Variants in PLXNA4 observed in about 807,000 individuals in gnomAD.
The protein encoded by PLXNA4 is plexin-A4.
In PLXNA4, 44 loss-of-function variants were observed where a neutral mutation model predicts 191.8. That is an observed-to-expected ratio of 0.23 (90% CI 0.18 to 0.29). PLXNA4 has a LOEUF of 0.29. Ranked by LOEUF, PLXNA4 falls within the 10% of genes least tolerant of loss-of-function variation. PLXNA4 has a pLI of 1.00. For synonymous variants in PLXNA4, 1,082 were observed against 1,009.5 expected, an observed-to-expected ratio of 1.07 and a Z score of -1.36; for missense variants, 1,800 against 2,488.8, an observed-to-expected ratio of 0.72 and a Z score of 5.89.
chr7:132,438,581 C>T (rs1440528290), intron 3 of PLXNA4, among the ~76,000 whole-genome samples: 1 of 152,164 alleles, frequency 6.6e-6, no homozygotes, highest in African/African-American at 2.4e-5. Flanking sequence ...ATTAGTCTAA[C>T]ATATATTTAA....
chr7:132,300,816 G>A (rs188764955), intron 3 of PLXNA4, among the ~76,000 whole-genome samples: 1 of 152,362 alleles, frequency 6.6e-6, no homozygotes, highest in Admixed American at 6.5e-5. Flanking sequence ...GCCACCGTCG[G>A]CCAGAGCAGG....
intron 3 of PLXNA4, among the ~76,000 whole-genome samples, chr7:132,334,652 A>G (rs1452655565): frequency 6.6e-6 from 1 of 152,174 alleles, no homozygotes; most frequent in African/African-American, 2.4e-5. Flanking sequence ...TGCAAATGAT[A>G]TCTGGGCCAG....
At chr7:132,558,756 C>G (rs1439519954) in intron 1 of PLXNA4, among the ~76,000 whole-genome samples, 1 of 152,232 alleles carries the variant, frequency 6.6e-6, no homozygotes, top group Non-Finnish European at 1.5e-5. Flanking sequence ...TTCGCCTTTG[C>G]CTGCTTTCTT....
Position 132,562,727 on chromosome 7 carries a change from GTCCTCCTCCTTC to G in PLXNA4, c.-87+13683_-87+13694del, listed in dbSNP as rs1473353976. On this transcript the variant is annotated intron_variant, in intron 1 of 31. Transcript: ENST00000321063. ...CCTTCACCTCCTCCTCCTTTTCCTC[GTCCTCCTCCTTC>G]TCCTCCTCCTTCTCCTCCTCCTCCT... Among the ~76,000 whole-genome samples the G allele has an allele frequency of 6.6e-4, 20 of 30,210 alleles. No individual in the cohort carries two copies. The South Asian group carries it at 0.017, about 25-fold the overall frequency. 19.8% of individuals were successfully genotyped at this position (30,210 alleles called of 152,430 possible).
At chr7:132,366,230 TA>T (rs1462152609) in intron 3 of PLXNA4, among the ~76,000 whole-genome samples, 1 of 151,912 alleles carries the variant, frequency 6.6e-6, no homozygotes, top group Admixed American at 6.6e-5. Flanking sequence ...TTCCTACCAT[TA>T]AAAAAAGAGA....
At chr7:132,510,818 G>A (rs1798683844) in intron 1 of PLXNA4, among the ~76,000 whole-genome samples, 1 of 152,194 alleles carries the variant, frequency 6.6e-6, no homozygotes, top group African/African-American at 2.4e-5. Flanking sequence ...ATGAGGGTGT[G>A]TACAAGGAAG....
intron 3 of PLXNA4, among the ~76,000 whole-genome samples, chr7:132,338,485 C>G (rs1370355147): frequency 6.6e-6 from 1 of 152,238 alleles, no homozygotes; most frequent in African/African-American, 2.4e-5. Context: ...AATATGATGT[C>G]AGTAAAAATG....
intron 2 of PLXNA4, among the ~76,000 whole-genome samples, chr7:132,637,875 T>C (rs758841506): frequency 6.6e-6 from 1 of 152,208 alleles, no homozygotes. Flanking sequence ...GACAGGAAGC[T>C]TGTACGTTGG....
chr7:132,632,537 C>T (rs1397008286), intron 2 of PLXNA4, among the ~76,000 whole-genome samples: 1 of 152,152 alleles, frequency 6.6e-6, no homozygotes, highest in Non-Finnish European at 1.5e-5. Flanking sequence ...TACTCATTAT[C>T]TACCTCCCGG....
chr7:132,174,947 G>T (rs781171539), intron 20 of PLXNA4, 27 bp from the exon 21 acceptor site: 7 of 1,612,580 alleles, frequency 4.3e-6, no homozygotes, highest in Non-Finnish European at 5.9e-6. Context: ...CCTGTGAGAT[G>T]GCTGGATGGG....
intron 2 of PLXNA4, among the ~76,000 whole-genome samples, chr7:132,624,275 G>A (rs73432854): frequency 0.016 from 2,385 of 152,254 alleles, 72 homozygotes; most frequent in African/African-American, 0.053. Context: ...GGTAGTACCC[G>A]TGGTGATGGT....
chr7:132,309,703 A>G (rs1019154877), intron 3 of PLXNA4, among the ~76,000 whole-genome samples: 3 of 152,160 alleles, frequency 2.0e-5, no homozygotes, highest in Non-Finnish European at 4.4e-5. Flanking sequence ...CTGTTACACC[A>G]GAACCAGGAG....
chr7:132,342,905 C>A (rs576539247), intron 3 of PLXNA4, among the ~76,000 whole-genome samples: 1 of 146,682 alleles, frequency 6.8e-6, no homozygotes, highest in African/African-American at 2.6e-5. Context: ...CAAGATTGCA[C>A]CACTGTACTC....
intron 3 of PLXNA4, among the ~76,000 whole-genome samples, chr7:132,323,235 T>A (rs192606094): frequency 4.6e-5 from 7 of 152,316 alleles, no homozygotes; most frequent in Admixed American, 3.9e-4. Flanking sequence ...AGCAGATGAT[T>A]CATGAAACTC....
chr7:132,211,342 C>T (rs895923882), intron 9 of PLXNA4, among the ~76,000 whole-genome samples, 199 bp from the exon 10 acceptor site: 1 of 152,242 alleles, frequency 6.6e-6, no homozygotes, highest in Non-Finnish European at 1.5e-5. Context: ...GTCCTAGTGT[C>T]ATATCTTGAG....
In PLXNA4 at chr7:132,508,623, G is replaced by A. The variant is rs1798583595; in HGVS notation, c.71C>T (p.Thr24Ile). The change falls in exon 2 of 32, where the codon ACT (threonine) becomes ATT (isoleucine). Residue 24 changes from threonine to isoleucine, a missense_variant. Physicochemically the swap from Thr to Ile is moderately conservative, Grantham distance 89. Around this residue, in one of 6 missense-constraint regions of PLXNA4, gnomAD observed 1,397 missense variants for 1,880.4 expected, o/e 0.74. Transcript: ENST00000321063. The surrounding 1 kb of genome is among the most constrained non-coding windows in gnomAD (Gnocchi z 4.4). ...HLLMVGMGSS[T>I]LLTRQPAPLS... is the part of the protein sequence containing the mutation. ...CGGGGCTGGCTGCCGGGTGAGCAAA[G>A]TGGAGGAGCCCATGCCCACCATGAG... 1 of 1,608,750 alleles carries A rather than the reference G, an allele frequency of 6.2e-7. No individual in the cohort carries two copies. Among genetic ancestry groups the A allele is most frequent in the African/African-American group, 1.3e-5 (1 of 74,930 alleles).
chr7:132,502,395 G>T (rs945884938), intron 2 of PLXNA4, among the ~76,000 whole-genome samples: 1 of 152,206 alleles, frequency 6.6e-6, no homozygotes. Flanking sequence ...GTGCCTGTGT[G>T]GCCCTTGTGG....
intron 4 of PLXNA4, among the ~76,000 whole-genome samples, chr7:132,248,542 T>G (rs1023802707): frequency 2.6e-5 from 4 of 152,118 alleles, no homozygotes; most frequent in Admixed American, 2.0e-4. Flanking sequence ...TGTGGTAGCT[T>G]CTTACCACCC....
upstream of PLXNA4, among the ~76,000 whole-genome samples, chr7:132,581,769 C>A (rs2116813241): frequency 6.6e-6 from 1 of 152,296 alleles, no homozygotes; most frequent in African/African-American, 2.4e-5. Flanking sequence ...ATCCTCTGGG[C>A]ACCAAAATAA....
Sources: gnomAD v4.1 joint callset for allele counts (sites outside exome capture counted in the v4.1 genomes callset) on GRCh38, gnomAD v4.1.1 for gene constraint, gnomAD v4.1.1 regional missense constraint, Gnocchi (gnomAD v3.1) non-coding constraint, MANE v1.5 for transcripts, NCBI Gene and HGNC (gene_info 2026-07-23, HGNC 2026-07-21) for gene names.